The following FA2H variants were observed in gnomAD, a reference collection of about 807,000 sequenced individuals.
FA2H encodes the protein fatty acid alpha-hydroxylase.
FA2H carries 22 observed loss-of-function variants against 44.9 expected under a neutral mutation model. The ratio of observed to expected loss-of-function variants is 0.49; its 90% CI spans 0.35 to 0.70. FA2H has a LOEUF of 0.70. Among genes scored for constraint, FA2H ranks in the 30% least tolerant of loss-of-function variants. The pLI is 0.01. For synonymous variants in FA2H, 243 were observed against 213.2 expected, an observed-to-expected ratio of 1.14 and a Z score of -1.22; for missense variants, 501 against 504.9, an observed-to-expected ratio of 0.99 and a Z score of 0.07.
At chr16:74,768,270 G>T (rs1329419436) in intron 1 of FA2H, among the ~76,000 whole-genome samples, 1 of 152,012 alleles carries the variant, frequency 6.6e-6, no homozygotes, top group Admixed American at 6.6e-5. Flanking sequence ...CCCAATTCTG[G>T]GTCTCAAAGC....
chr16:74,727,285 G>C lies in FA2H; in HGVS notation c.465C>G (p.Leu155=), dbSNP rs1961979609. ...VHQPVTRPIR[L]FHSDLIEGLS... is the part of the protein sequence containing the mutation. The stretch of plus-strand genomic sequence containing the variant: ...GGCCCTCAATGAGGTCTGAGTGGAA[G>C]AGGCGGATGGGCCTGGTCACCGGCT... Residue 155 remains leucine (L), a synonymous_variant, in exon 3 of 7, where the codon CTC becomes CTG. Transcript: ENST00000219368. The C allele has an allele frequency of 6.2e-7, 1 of 1,614,060 alleles. No homozygotes were observed. Among genetic ancestry groups the C allele is most frequent in the Non-Finnish European group, 8.5e-7 (1 of 1,180,042 alleles).
chr16:74,761,691 C>A (rs898786252), intron 1 of FA2H, among the ~76,000 whole-genome samples: 3 of 152,296 alleles, frequency 2.0e-5, no homozygotes, highest in Middle Eastern at 3.4e-3. Context: ...CTTTGCCCTG[C>A]CCATCTAGGC....
In FA2H at chr16:74,738,455, A is replaced by G. The variant is rs554486367; in HGVS notation, c.363+1568T>C. ...GGAGACTGGGAGGAGCTGACCACAG[A>G]GCTGGCAATGTGGGCTGGATCTCCC... On this transcript the variant is annotated intron_variant, in intron 2 of 6. Transcript: ENST00000219368. Among the ~76,000 whole-genome samples the G allele has an allele frequency of 2.6e-4, 39 of 152,242 alleles. No individual in the cohort carries two copies. In the South Asian group the frequency reaches 3.5e-3, roughly 14 times the overall value.
chr16:74,745,299 G>A (rs1204462145), intron 1 of FA2H, among the ~76,000 whole-genome samples: 1 of 152,168 alleles, frequency 6.6e-6, no homozygotes, highest in Non-Finnish European at 1.5e-5. Context: ...ACTCAATCTT[G>A]CTAACTGCTC....
chr16:74,733,018 C>A (rs1300804022), intron 2 of FA2H, among the ~76,000 whole-genome samples: 1 of 152,218 alleles, frequency 6.6e-6, no homozygotes, highest in East Asian at 1.9e-4. Context: ...CACCTGTACA[C>A]ATGGTGGACT....
chr16:74,747,153 A>G (rs905685209), intron 1 of FA2H, among the ~76,000 whole-genome samples: 1 of 152,032 alleles, frequency 6.6e-6, no homozygotes, highest in African/African-American at 2.4e-5. Context: ...TCTACTAAAA[A>G]TACAAAAATT....
chr16:74,735,484 G>C (rs1397195313), intron 2 of FA2H, among the ~76,000 whole-genome samples: 1 of 152,354 alleles, frequency 6.6e-6, no homozygotes, highest in East Asian at 1.9e-4. Flanking sequence ...GCAGCGGAGA[G>C]TGGATAGGGA....
At chr16:74,716,829 G>C in intron 5 of FA2H, 1 of 366,680 alleles carries the variant, frequency 2.7e-6, no homozygotes. Context: ...GATTGCAAAG[G>C]AACATGGGAT....
intron 1 of FA2H, among the ~76,000 whole-genome samples, chr16:74,765,470 A>C (rs537126995): frequency 6.6e-6 from 1 of 151,610 alleles, no homozygotes; most frequent in East Asian, 2.0e-4. Context: ...TTTCATTCTT[A>C]AAGTATCTTG....
At chr16:74,770,224 A>G (rs1189065357) in intron 1 of FA2H, among the ~76,000 whole-genome samples, 1 of 152,238 alleles carries the variant, frequency 6.6e-6, no homozygotes, top group Admixed American at 6.5e-5. Context: ...TCCCTGGTCC[A>G]GCAGGAGAGG....
intron 5 of FA2H, among the ~76,000 whole-genome samples, chr16:74,718,026 C>T (rs952390293): frequency 5.3e-5 from 8 of 152,134 alleles, no homozygotes; most frequent in African/African-American, 1.9e-4. Context: ...GGACTGGGCA[C>T]CCACCCTGAT....
chr16:74,746,900 G>C (rs1010320829), intron 1 of FA2H, among the ~76,000 whole-genome samples: 5 of 152,214 alleles, frequency 3.3e-5, no homozygotes, highest in Non-Finnish European at 2.9e-5. Context: ...TCCCAGCAAG[G>C]TCTGATGAAG....
Position 74,740,132 on chromosome 16 carries a change from C to G in FA2H, c.271-17G>C, listed in dbSNP as rs764742066. On this transcript the variant is annotated splice_polypyrimidine_tract_variant and intron_variant, in intron 1 of 6. Coordinates refer to ENST00000219368, the MANE Select transcript of FA2H (RefSeq NM_024306.5). ...CATGGAGCCCTGGAAGGAGAAGATACAAGAGGATTATACACAGTGGGTGAG... is the reference window on the plus strand; with the variant it reads ...CATGGAGCCCTGGAAGGAGAAGATAGAAGAGGATTATACACAGTGGGTGAG... 1 of 1,597,918 alleles carries G rather than the reference C, an allele frequency of 6.3e-7. No homozygotes were observed. The highest frequency in any genetic ancestry group is 1.3e-5 in the African/African-American group (1 of 74,476).
chr16:74,745,174 T>C (rs1044803434), intron 1 of FA2H, among the ~76,000 whole-genome samples: 7 of 152,142 alleles, frequency 4.6e-5, no homozygotes, highest in Non-Finnish European at 7.4e-5. Flanking sequence ...TTGACACTCT[T>C]GTGTTCAGCT....
chr16:74,767,895 G>A (rs938224258), intron 1 of FA2H, among the ~76,000 whole-genome samples: 3 of 152,220 alleles, frequency 2.0e-5, no homozygotes, highest in African/African-American at 7.2e-5. Flanking sequence ...CTGGAGGGGA[G>A]GAAGGGTGAT....
chr16:74,772,470 C>G (rs8054687), intron 1 of FA2H, among the ~76,000 whole-genome samples: 98,224 of 152,112 alleles, frequency 0.65, 31,924 homozygotes, highest in Non-Finnish European at 0.66. Context: ...GAACCGAATT[C>G]GTTTTGTTCA....
chr16:74,766,554 T>C (rs1597572960), intron 1 of FA2H, among the ~76,000 whole-genome samples: 1 of 152,102 alleles, frequency 6.6e-6, no homozygotes, highest in Non-Finnish European at 1.5e-5. Flanking sequence ...GAGGAAGACC[T>C]GCCCAAGAGA....
chr16:74,720,601 AT>A (rs1402531855), intron 4 of FA2H, among the ~76,000 whole-genome samples: 1 of 152,074 alleles, frequency 6.6e-6, no homozygotes, highest in Non-Finnish European at 1.5e-5. Flanking sequence ...CATCCATATA[AT>A]TCATCCAAAT....
intron 1 of FA2H, among the ~76,000 whole-genome samples, chr16:74,741,856 A>ATGTG (rs1310407237): frequency 5.0e-5 from 4 of 80,380 alleles, no homozygotes; most frequent in African/African-American, 9.4e-5. Flanking sequence ...GTATGTGTGT[A>ATGTG]TGTGTGTGTG....
Sources: allele counts gnomAD v4.1 joint callset (sites outside exome capture counted in the v4.1 genomes callset), GRCh38; gene constraint gnomAD v4.1.1; transcripts MANE v1.5; gene names NCBI Gene and HGNC (gene_info 2026-07-23, HGNC 2026-07-21).